KLHDC10: variants seen among roughly 807,000 people sequenced by gnomAD.
The protein encoded by KLHDC10 is kelch domain containing 10.
A neutral mutation model predicts 56.1 loss-of-function variants in KLHDC10; 24 were observed. The observed-to-expected ratio is 0.43, with a 90% CI of 0.31 to 0.60. KLHDC10 has a LOEUF of 0.60. Among genes scored for constraint, KLHDC10 ranks in the 20% least tolerant of loss-of-function variants. The probability of loss-of-function intolerance (pLI) is 0.11; values close to 1 mark genes in which losing one functional copy is unlikely to be tolerated. For synonymous variants in KLHDC10, 188 were observed against 207.1 expected, an observed-to-expected ratio of 0.91 and a Z score of 0.79; for missense variants, 349 against 567.0, an observed-to-expected ratio of 0.62 and a Z score of 3.91.
chr7:130,101,620 AAAG>A (rs2116877416), intron 2 of KLHDC10, among the ~76,000 whole-genome samples: 1 of 152,286 alleles, frequency 6.6e-6, no homozygotes, highest in South Asian at 2.1e-4. Flanking sequence ...CATTTCAAGG[AAAG>A]TAGAAGATTT....
Position 130,120,629 on chromosome 7 carries a change from T to G in KLHDC10, c.476-120T>G. ...AGCTACTAGTTAGATGTCAGTGGTT[T>G]GAGCTATCTTATGAGATCATTAAAG... On this transcript the variant is annotated intron_variant, in intron 3 of 9. Coordinates refer to ENST00000335420, the MANE Select transcript of KLHDC10 (RefSeq NM_014997.4). This position sits in a 1 kb window ranked among gnomAD's most constrained non-coding sequence, Gnocchi z 5.1. 5 of 1,019,336 alleles carry G rather than the reference T, an allele frequency of 4.9e-6. No homozygotes were observed. Among genetic ancestry groups the G allele is most frequent in the Non-Finnish European group, 7.1e-6 (5 of 699,868 alleles). The allele number at this position is 1,019,336 out of a possible 1,614,324, so 63.1% of individuals were successfully genotyped here.
chr7:130,078,196 C>T (rs1190950948), intron 1 of KLHDC10, among the ~76,000 whole-genome samples: 9 of 151,582 alleles, frequency 5.9e-5, no homozygotes, highest in Admixed American at 2.6e-4. Flanking sequence ...GGTGAAACCC[C>T]GTCTCTACTG....
intron 2 of KLHDC10, among the ~76,000 whole-genome samples, chr7:130,108,556 C>CAAAAAAAAAAAAA (rs71175086): frequency 7.0e-5 from 6 of 85,672 alleles, no homozygotes; most frequent in African/African-American, 2.6e-4. Context: ...ACCAAATATC[C>CAAAAAAAAAAAAA]AAAAAAAAAA....
intron 2 of KLHDC10, among the ~76,000 whole-genome samples, chr7:130,099,395 C>A (rs1262147256): frequency 6.6e-6 from 1 of 152,174 alleles, no homozygotes; most frequent in Non-Finnish European, 1.5e-5. Context: ...CAGACAATTA[C>A]AGAATAATTT....
chr7:130,103,908 T>G (rs1795972849), intron 2 of KLHDC10, among the ~76,000 whole-genome samples: 1 of 151,898 alleles, frequency 6.6e-6, no homozygotes, highest in South Asian at 2.1e-4. Flanking sequence ...GCCAACATGA[T>G]GAAATCCCCC....
chr7:130,093,824 T>G (rs1049943544), intron 1 of KLHDC10, among the ~76,000 whole-genome samples: 1 of 152,194 alleles, frequency 6.6e-6, no homozygotes, highest in Non-Finnish European at 1.5e-5. Context: ...TACAGACTTA[T>G]GCTGGTTGCT....
rs966845024 is a variant in KLHDC10 at position 130,080,999 on chromosome 7, C to CTTT, written c.166+10205_166+10207dup. Among the ~76,000 whole-genome samples, 116 of 131,922 alleles carry CTTT rather than the reference C, an allele frequency of 8.8e-4. 1 individual carries two copies. Among genetic ancestry groups the CTTT allele is most frequent in the African/African-American group, 1.3e-3 (43 of 34,304 alleles). The allele number at this position is 131,922 out of a possible 152,430, so 86.5% of individuals were successfully genotyped here. ...TTATTAATTTGTTTCTTTCAGTTTT[C>CTTT]TTTTTTTTTTTTTTTTTGAGACGGA... On this transcript the variant is annotated intron_variant, in intron 1 of 9. Coordinates refer to ENST00000335420, the MANE Select transcript of KLHDC10 (RefSeq NM_014997.4).
intron 1 of KLHDC10, among the ~76,000 whole-genome samples, chr7:130,088,931 C>A (rs994414977): frequency 6.6e-6 from 1 of 152,062 alleles, no homozygotes; most frequent in African/African-American, 2.4e-5. Context: ...TCGCCCCTGG[C>A]CTCAATTTAT....
chr7:130,104,238 G>A (rs1795978473), intron 2 of KLHDC10, among the ~76,000 whole-genome samples: 3 of 152,190 alleles, frequency 2.0e-5, no homozygotes, highest in Admixed American at 2.0e-4. Flanking sequence ...CTCAGGAGTG[G>A]CAGAGGCAGA....
rs969513020 is a variant in KLHDC10 at position 130,133,709 on chromosome 7, G to A, written c.*2963G>A. On this transcript the variant is annotated 3_prime_UTR_variant, in exon 10 of 10. Transcript: ENST00000335420. ...TGCCGGAGAACAAGGAAGTCCATCT[G>A]TAAGGAGTTTCCTAAACGGAGAATT... is the stretch of plus-strand genomic sequence containing the variant. The A allele has an allele frequency of 6.6e-6, 1 of 152,178 alleles. No homozygotes were observed. The highest frequency in any genetic ancestry group is 6.5e-5 in the Admixed American group (1 of 15,278). 9.4% of individuals were successfully genotyped at this position (152,178 alleles called of 1,614,324 possible). A position where few individuals can be genotyped will look rare whatever the true frequency, so the allele number is the denominator to read the frequency against.
chr7:130,073,741 A>G (rs945654008), intron 1 of KLHDC10, among the ~76,000 whole-genome samples: 1 of 152,156 alleles, frequency 6.6e-6, no homozygotes, highest in South Asian at 2.1e-4. Flanking sequence ...GAGTGTTCTC[A>G]TTCTCTTTCA....
intron 1 of KLHDC10, among the ~76,000 whole-genome samples, chr7:130,085,180 A>G (rs918806345): frequency 2.0e-5 from 3 of 151,536 alleles, no homozygotes; most frequent in Admixed American, 1.3e-4. Flanking sequence ...TAAAAATACA[A>G]AAATTAGCCG....
rs763348128 is a variant in KLHDC10 at position 130,120,822 on chromosome 7, C to T, written c.549C>T (p.Asp183=). Residue 183 remains aspartate (D), a synonymous_variant, in exon 4 of 10, where the codon GAC becomes GAT. Coordinates refer to ENST00000335420, the MANE Select transcript of KLHDC10 (RefSeq NM_014997.4). This position sits in a 1 kb window ranked among gnomAD's most constrained non-coding sequence, Gnocchi z 5.1. ...CATTTGGAGAGAGCAACGGCAATGA[C>T]GTCCATGTGTGTAATGTGAAGTATA... ...GIPFGESNGN[D]VHVCNVKYKR... 2.5e-6 allele frequency: 4 copies of T among 1,614,088 alleles called. No homozygotes were observed. Among genetic ancestry groups the T allele is most frequent in the African/African-American group, 1.3e-5 (1 of 75,026 alleles).
At chr7:130,081,315 T>G (rs34421227) in intron 1 of KLHDC10, among the ~76,000 whole-genome samples, 41,857 of 149,754 alleles carry the variant, frequency 0.28, 6,497 homozygotes, top group African/African-American at 0.38. Flanking sequence ...ATATATTTTT[T>G]TTTGTTTGTT....
intron 9 of KLHDC10, 86 bp downstream of exon 9, chr7:130,129,662 A>AT: frequency 7.9e-7 from 1 of 1,266,034 alleles, no homozygotes; most frequent in Non-Finnish European, 1.1e-6. Flanking sequence ...AAAAAGCCAG[A>AT]TATAGGCAAA....
intron 1 of KLHDC10, among the ~76,000 whole-genome samples, chr7:130,087,808 T>C (rs1278546148): frequency 6.6e-6 from 1 of 151,580 alleles, no homozygotes; most frequent in Non-Finnish European, 1.5e-5. Context: ...TCACCCAGGC[T>C]GGAGTGCAAT....
rs200495880 is a variant in KLHDC10 at position 130,070,791 on chromosome 7, G to C, written c.148G>C (p.Gly50Arg). 5 of 1,307,420 alleles carry C rather than the reference G, an allele frequency of 3.8e-6. No individual in the cohort carries two copies. The highest frequency in any genetic ancestry group is 2.8e-5 in the East Asian group (1 of 35,672). 81.0% of individuals were successfully genotyped at this position (1,307,420 alleles called of 1,614,324 possible). Residue 50 changes from glycine (G) to arginine (R), a missense_variant, in exon 1 of 10, where the codon GGG becomes CGG. By Grantham distance (125) the Gly-to-Arg change is moderately radical. Coordinates refer to ENST00000335420, the MANE Select transcript of KLHDC10 (RefSeq NM_014997.4). ...GQLNRFVQLSGRPHLPGKKKI... is the reference protein window; with the variant it reads ...GQLNRFVQLSRRPHLPGKKKI... Reference sequence around the variant, plus strand: ...GCTCAACCGCTTCGTGCAACTCTCCGGGCGGCCGCACCTGCCAGGTGAGTC... The same window carrying C: ...GCTCAACCGCTTCGTGCAACTCTCCCGGCGGCCGCACCTGCCAGGTGAGTC...
intron 3 of KLHDC10, among the ~76,000 whole-genome samples, chr7:130,118,397 T>C (rs1384324036): frequency 1.3e-5 from 2 of 152,144 alleles, no homozygotes; most frequent in Non-Finnish European, 2.9e-5. Flanking sequence ...CTTTATAGAA[T>C]CGAAGAGAGT....
chr7:130,129,611 T>TAC (rs1796368993), intron 9 of KLHDC10, 35 bp downstream of exon 9: 1 of 1,582,642 alleles, frequency 6.3e-7, no homozygotes, highest in South Asian at 1.2e-5. Flanking sequence ...CTTATGTAGT[T>TAC]ACAGATGATA....
Sources: gnomAD v4.1 joint callset for allele counts (sites outside exome capture counted in the v4.1 genomes callset) on GRCh38, gnomAD v4.1.1 for gene constraint, Gnocchi (gnomAD v3.1) non-coding constraint, MANE v1.5 for transcripts, NCBI Gene and HGNC (gene_info 2026-07-23, HGNC 2026-07-21) for gene names.